DMD: variants seen among roughly 807,000 people sequenced by gnomAD.
The protein encoded by DMD is mutant dystrophin.
A neutral mutation model predicts 330.1 loss-of-function variants in DMD; 63 were observed. The ratio of observed to expected loss-of-function variants is 0.19; its 90% CI spans 0.16 to 0.24. The LOEUF (loss-of-function observed/expected upper bound fraction) is 0.24, where lower values mean the gene tolerates loss of function less well. Among genes scored for constraint, DMD ranks in the 10% least tolerant of loss-of-function variants. The pLI is 1.00. For missense variants in DMD, 3,344 were observed against 2,684.1 expected (o/e 1.25, Z -5.43); for synonymous variants, 1,223 against 959.8 (o/e 1.27, Z -5.07).
chrX:32,815,085 C>A, intron 6 of DMD, among the ~76,000 whole-genome samples: 1 of 110,762 alleles, frequency 9.0e-6, no homozygotes, highest in Non-Finnish European at 1.9e-5. Context: ...CTTAACGTGA[C>A]ATTTGAATGC....
Position 32,155,621 on chromosome X carries a change from A to G in DMD, c.6438+61295T>C, listed in dbSNP as rs1420036215. Among the ~76,000 whole-genome samples the G allele has an allele frequency of 2.7e-5, 3 of 111,724 alleles. No individual in the cohort carries two copies. In the Admixed American group the frequency reaches 2.9e-4, roughly 11 times the overall value. ...CAGTCTGCATTACCTGATGGAGATT[A>G]TTTCTGGAAGCACTTAGGGCATGTT... On this transcript the variant is annotated intron_variant, in intron 44 of 78. Transcript: ENST00000357033.
At chrX:32,184,819 T>C (rs1489558170) in intron 44 of DMD, among the ~76,000 whole-genome samples, 3 of 103,762 alleles carry the variant, frequency 2.9e-5, no homozygotes, top group African/African-American at 1.1e-4. Context: ...CCTGAGGTCT[T>C]GACTACAGAT....
chrX:32,694,586 A>G (rs1187182058), intron 9 of DMD, among the ~76,000 whole-genome samples: 2 of 112,380 alleles, frequency 1.8e-5, no homozygotes, highest in African/African-American at 6.5e-5. Flanking sequence ...CAGATATGCT[A>G]TGCTAGAGGA....
intron 62 of DMD, among the ~76,000 whole-genome samples, chrX:31,284,566 C>CTTCTTCTTTCTTCTTTCTTCT: frequency 1.8e-5 from 1 of 56,064 alleles, no homozygotes; most frequent in African/African-American, 7.2e-5. Flanking sequence ...GTTTCTTCTT[C>CTTCTTCTTTCTTCTTTCTTCT]TTCTTCTTCT....
chrX:31,746,526 C>G (rs1159776570), intron 51 of DMD, among the ~76,000 whole-genome samples: 3 of 111,763 alleles, frequency 2.7e-5, no homozygotes, highest in Non-Finnish European at 3.8e-5. Context: ...TATAAGAATT[C>G]AAATACCTTA....
chrX:31,193,261 T>C (rs1198807762), intron 67 of DMD, among the ~76,000 whole-genome samples: 1 of 112,905 alleles, frequency 8.9e-6, no homozygotes, highest in African/African-American at 3.2e-5. Context: ...GAAATGTATT[T>C]ATTAGACATC....
At chrX:32,200,469 G>T (rs751041140) in intron 44 of DMD, among the ~76,000 whole-genome samples, 3 of 107,111 alleles carry the variant, frequency 2.8e-5, no homozygotes, top group African/African-American at 1.0e-4. Context: ...CATATGTAAC[G>T]TGTTATATAT....
intron 1 of DMD, among the ~76,000 whole-genome samples, chrX:33,076,749 A>T (rs755312536): frequency 8.9e-6 from 1 of 111,989 alleles, no homozygotes; most frequent in East Asian, 2.8e-4. Context: ...CAAAACTGTG[A>T]CCGCCCAAGA....
chrX:32,089,663 C>A (rs774733630), intron 44 of DMD, among the ~76,000 whole-genome samples: 9 of 111,755 alleles, frequency 8.1e-5, no homozygotes, highest in African/African-American at 2.6e-4. Context: ...GTATATGTAC[C>A]ACATTTTCTT....
At chrX:31,542,069 T>G (rs1337664483) in intron 55 of DMD, among the ~76,000 whole-genome samples, 2 of 111,984 alleles carry the variant, frequency 1.8e-5, no homozygotes, top group East Asian at 5.6e-4. Flanking sequence ...ACAACACTGT[T>G]CTGGACATTG....
intron 48 of DMD, among the ~76,000 whole-genome samples, chrX:31,872,707 T>C (rs923902886): frequency 5.4e-5 from 6 of 111,952 alleles, no homozygotes; most frequent in African/African-American, 1.9e-4. Context: ...ACCTTTCCTC[T>C]TCGCAATATT....
At chrX:32,036,851 T>C (rs749120380) in intron 44 of DMD, among the ~76,000 whole-genome samples, 1 of 111,269 alleles carries the variant, frequency 9.0e-6, no homozygotes, top group Non-Finnish European at 1.9e-5. Flanking sequence ...TGTAGAGTCA[T>C]ATAAGCAAGG....
At chrX:31,714,141 T>C (rs1264187595) in intron 52 of DMD, among the ~76,000 whole-genome samples, 1 of 111,795 alleles carries the variant, frequency 8.9e-6, no homozygotes, top group African/African-American at 3.2e-5. Context: ...GGTGAAAATT[T>C]ATTTAGGAAG....
At chrX:31,623,851 A>G (rs755876867) in intron 55 of DMD, among the ~76,000 whole-genome samples, 1 of 111,121 alleles carries the variant, frequency 9.0e-6, no homozygotes, top group Admixed American at 9.6e-5. Context: ...ACCTTTATGA[A>G]CATCATAAAG....
Position 31,218,407 on chromosome X carries a change from G to T in DMD, c.9361+4640C>A, listed in dbSNP as rs748778856. 8.1e-5 allele frequency among the ~76,000 whole-genome samples: 9 copies of T among 110,476 alleles called. No individual in the cohort carries two copies. In the South Asian group the frequency reaches 3.5e-3, roughly 43 times the overall value. On this transcript the variant is annotated intron_variant, in intron 64 of 78. Transcript: ENST00000357033. ...GGGGCAGGTGAAGAAAAAGAGGCAA[G>T]AAAACTTTCTCTATTCAGCCCCCTG...
chrX:31,365,867 C>A (rs1314176273), intron 60 of DMD, among the ~76,000 whole-genome samples: 1 of 112,540 alleles, frequency 8.9e-6, no homozygotes, highest in East Asian at 2.8e-4. Context: ...GGGTCTAAAC[C>A]AATTAAATCC....
rs187920715 is a variant in DMD at position 32,873,612 on chromosome X, A to C, written c.94-23792T>G. ...AGGTTACAGTGGTTATTCTCTAAGG[A>C]TACTCTCAGCACTCACAGTCCCCTA... On this transcript the variant is annotated intron_variant, in intron 2 of 78. Coordinates refer to ENST00000357033, the MANE Select transcript of DMD (RefSeq NM_004006.3). Among the ~76,000 whole-genome samples, 14 of 111,805 alleles carry C rather than the reference A, an allele frequency of 1.3e-4. No homozygotes were observed. The East Asian group carries it at 3.7e-3, about 29-fold the overall frequency.
In DMD at chrX:31,668,379, T is replaced by G. The variant is rs776301158; in HGVS notation, c.7873-10235A>C. Among the ~76,000 whole-genome samples the G allele has an allele frequency of 5.4e-3, 599 of 111,056 alleles. 4 individuals are homozygous for G. Among genetic ancestry groups the G allele is most frequent in the South Asian group, 0.018 (49 of 2,693 alleles). ...CATTTTCTTAGAAGAGTTTTAAAGT[T>G]TTAGTTCTTATTAATATATTTAGCT... On this transcript the variant is annotated intron_variant, in intron 53 of 78. Coordinates refer to ENST00000357033, the MANE Select transcript of DMD (RefSeq NM_004006.3).
chrX:31,309,931 T>G (rs2055342277), intron 62 of DMD, among the ~76,000 whole-genome samples: 1 of 111,587 alleles, frequency 9.0e-6, no homozygotes, highest in African/African-American at 3.3e-5. Flanking sequence ...ATTCCAGGTT[T>G]ATTTACAATA....
Sources: gnomAD v4.1 joint callset for allele counts (sites outside exome capture counted in the v4.1 genomes callset) on GRCh38, gnomAD v4.1.1 for gene constraint, MANE v1.5 for transcripts, NCBI Gene and HGNC (gene_info 2026-07-23, HGNC 2026-07-21) for gene names.